ANKRD26: variants seen among roughly 807,000 people sequenced by gnomAD.
ANKRD26 encodes ankyrin repeat domain 26.
Under a neutral mutation model 208.7 loss-of-function variants are expected in ANKRD26, and 141 were observed. The observed-to-expected ratio is 0.68, with a 90% CI of 0.59 to 0.78. The LOEUF (loss-of-function observed/expected upper bound fraction) is 0.78. Among genes scored for constraint, ANKRD26 ranks in the 30% least tolerant of loss-of-function variants. The probability of loss-of-function intolerance (pLI) is 0.00; values close to 1 mark genes in which losing one functional copy is unlikely to be tolerated. For missense variants in ANKRD26, 1,889 were observed against 1,938.7 expected, an observed-to-expected ratio of 0.97 and a Z score of 0.48; for synonymous variants, 636 against 660.4, an observed-to-expected ratio of 0.96 and a Z score of 0.57.
chr10:27,048,667 T>A (rs2054543667), intron 17 of ANKRD26, 134 bp downstream of exon 17: 2 of 821,008 alleles, frequency 2.4e-6, no homozygotes, highest in African/African-American at 3.5e-5. Context: ...TTTGCATTTT[T>A]CTAATTGCAA....
chr10:27,030,340 G>T, intron 25 of ANKRD26: 1 of 950,736 alleles, frequency 1.1e-6, no homozygotes, highest in Non-Finnish European at 1.3e-6. Context: ...TACTCAGTGG[G>T]CAATGACCAC....
chr10:27,022,054 T>C (rs779394339), intron 29 of ANKRD26, among the ~76,000 whole-genome samples: 10 of 152,220 alleles, frequency 6.6e-5, no homozygotes, highest in Non-Finnish European at 1.3e-4. Flanking sequence ...AATTAGATTC[T>C]ATCAATTTTT....
At position 27,035,295 on chromosome 10, in the gene ANKRD26, A is replaced by G; in HGVS notation, c.3155T>C (p.Val1052Ala). ...SRLQDKMNFD[V>A]SNLKDNNEIL... ...CTCATTGTTATCTTTTAGGTTAGAC[A>G]CATCAAAATTCATTTTGTCCTGTAA... The change falls in exon 24 of 34, where the codon GTG (valine) becomes GCG (alanine). Residue 1052 changes from valine (V) to alanine (A), a missense_variant. Around this residue, in one of 3 missense-constraint regions of ANKRD26, gnomAD observed 1,272 missense variants for 1,273.8 expected, o/e 1.00. Transcript: ENST00000376087. 6.2e-7 allele frequency: 1 copy of G among 1,613,890 alleles called. No individual in the cohort carries two copies. Among genetic ancestry groups the G allele is most frequent in the Non-Finnish European group, 8.5e-7 (1 of 1,179,856 alleles).
At chr10:27,025,016 A>G (rs1564365024) in intron 27 of ANKRD26, among the ~76,000 whole-genome samples, 2 of 152,156 alleles carry the variant, frequency 1.3e-5, no homozygotes, top group African/African-American at 2.4e-5. Flanking sequence ...CATTCTCTAT[A>G]AACATTCTTC....
At chr10:27,041,303 A>G (rs2054232056) in intron 20 of ANKRD26, among the ~76,000 whole-genome samples, 1 of 152,134 alleles carries the variant, frequency 6.6e-6, no homozygotes, top group Admixed American at 6.5e-5. Context: ...GCAAAGTAAT[A>G]AACAGTGCAT....
At chr10:27,081,293 C>T (rs751815607) in intron 6 of ANKRD26, among the ~76,000 whole-genome samples, 2 of 152,126 alleles carry the variant, frequency 1.3e-5, no homozygotes, top group African/African-American at 2.4e-5. Flanking sequence ...ATATTCTGAT[C>T]TCTTTTCCAA....
At chr10:27,042,880 C>T (rs1048266526) in intron 20 of ANKRD26, among the ~76,000 whole-genome samples, 6 of 142,758 alleles carry the variant, frequency 4.2e-5, no homozygotes, top group African/African-American at 1.0e-4. Context: ...ACACAAGAAT[C>T]GCTTGAACCC....
chr10:27,051,046 A>G (rs1292755145), intron 16 of ANKRD26: 73 of 1,218,322 alleles, frequency 6.0e-5, no homozygotes, highest in Non-Finnish European at 5.3e-5. Context: ...AGTAGCAGCA[A>G]GCAAACCTCT....
chr10:27,013,118 G>T lies in ANKRD26; in HGVS notation c.4725-8C>A. The T allele has an allele frequency of 6.2e-7, 1 of 1,609,538 alleles. No individual in the cohort carries two copies. The highest frequency in any genetic ancestry group is 1.1e-5 in the South Asian group (1 of 90,960). On this transcript the variant is annotated splice_polypyrimidine_tract_variant and splice_region_variant and intron_variant, in intron 31 of 33. Coordinates refer to ENST00000376087, the MANE Select transcript of ANKRD26 (RefSeq NM_014915.3). ...GCTAGCCTCTCATTAGTTCTGTGAA[G>T]ATTGCAGAAGACACATGCTTAGTAT... is the stretch of plus-strand genomic sequence containing the variant.
downstream of ANKRD26, among the ~76,000 whole-genome samples, chr10:26,971,520 C>CA (rs1265282130): frequency 6.6e-6 from 1 of 151,366 alleles, no homozygotes; most frequent in Admixed American, 6.6e-5. Context: ...ACTAAAAATA[C>CA]AAAAATTAGC....
chr10:27,089,578 G>T (rs1214070107), intron 4 of ANKRD26, among the ~76,000 whole-genome samples: 1 of 152,198 alleles, frequency 6.6e-6, no homozygotes, highest in Non-Finnish European at 1.5e-5. Context: ...GATTGCTTGA[G>T]CCTAGGAGTT....
intron 4 of ANKRD26, among the ~76,000 whole-genome samples, chr10:26,981,940 GA>G (rs2052315385): frequency 6.6e-6 from 1 of 152,246 alleles, no homozygotes; most frequent in East Asian, 1.9e-4. Context: ...ATGTTCCTCT[GA>G]AGAAAAAACC....
rs146819984 is a variant in ANKRD26, at chr10:27,033,377, C to T, written c.3655G>A (p.Val1219Ile). The T allele has an allele frequency of 0.011, 17,122 of 1,607,452 alleles. 150 individuals carry two copies. Among genetic ancestry groups the T allele is most frequent in the Middle Eastern group, 0.043 (261 of 6,022 alleles). ...TCTTGTTGAAGTTGTCTCACAACAA[C>T]CTGATAAGACATTTTGTTACTGATT... The part of the protein sequence containing the change: ...QYENEKAERE[V>I]VVRQLQQELA... Residue 1219 changes from valine to isoleucine, a missense_variant and splice_region_variant, in exon 25 of 34, where the codon GTT becomes ATT. Val to Ile is a conservative substitution (Grantham distance 29, BLOSUM62 3). Around this residue, in one of 3 missense-constraint regions of ANKRD26, gnomAD observed 613 missense variants for 648.2 expected, o/e 0.95. Transcript: ENST00000376087.
At position 27,039,954 on chromosome 10, in the gene ANKRD26, G is replaced by A; in HGVS notation, c.2375+11C>T. On this transcript the variant is annotated intron_variant, in intron 21 of 33. Coordinates refer to ENST00000376087, the MANE Select transcript of ANKRD26 (RefSeq NM_014915.3). ...ATAGTTAAACATTTCTTTAAAACTA[G>A]GCTATCATACCTCAAAGAGCACAGT... 1.2e-6 allele frequency: 2 copies of A among 1,607,262 alleles called. No individual in the cohort carries two copies. Among genetic ancestry groups the A allele is most frequent in the Non-Finnish European group, 1.7e-6 (2 of 1,174,592 alleles).
intron 20 of ANKRD26, among the ~76,000 whole-genome samples, chr10:27,041,469 G>T (rs916159620): frequency 1.3e-5 from 2 of 152,098 alleles, no homozygotes; most frequent in African/African-American, 4.8e-5. Context: ...AATCAGAAAG[G>T]TATTGCCTCA....
chr10:26,960,801 G>C, the ANKRD26 span, among the ~76,000 whole-genome samples: 1 of 152,126 alleles, frequency 6.6e-6, no homozygotes, highest in Non-Finnish European at 1.5e-5. Context: ...TGAATACAAG[G>C]CTTGTGGGAT....
At chr10:26,962,677 G>A in the ANKRD26 span, among the ~76,000 whole-genome samples, 1 of 152,196 alleles carries the variant, frequency 6.6e-6, no homozygotes, top group Admixed American at 6.5e-5. Context: ...GAGGCCAGGA[G>A]TTCAAGGTTG....
chr10:27,051,086 C>A, intron 16 of ANKRD26: 1 of 1,262,808 alleles, frequency 7.9e-7, no homozygotes, highest in Non-Finnish European at 1.0e-6. Context: ...CTTTTTCTTT[C>A]TCCAAAGCCT....
At chr10:27,013,791 TG>T (rs1310108604) in intron 31 of ANKRD26, among the ~76,000 whole-genome samples, 1 of 152,142 alleles carries the variant, frequency 6.6e-6, no homozygotes, top group African/African-American at 2.4e-5. Flanking sequence ...GCTGAGTTGG[TG>T]ATCAAAAAGA....
Sources: allele counts gnomAD v4.1 joint callset (sites outside exome capture counted in the v4.1 genomes callset), GRCh38; gene constraint gnomAD v4.1.1; regional missense constraint gnomAD v4.1.1; transcripts MANE v1.5; gene names NCBI Gene and HGNC (gene_info 2026-07-23, HGNC 2026-07-21).